Variants in RNF115 observed in about 807,000 individuals in gnomAD.
RNF115 encodes ring finger protein 115.
Under a neutral mutation model 39.2 loss-of-function variants are expected in RNF115, and 31 were observed. The observed-to-expected ratio is 0.79, with a 90% CI of 0.59 to 1.07. The LOEUF (loss-of-function observed/expected upper bound fraction) is 1.07, where lower values mean the gene tolerates loss of function less well. Among genes scored for constraint, RNF115 ranks in the 50% least tolerant of loss-of-function variants. RNF115 has a pLI of 0.00. For synonymous variants in RNF115, 124 were observed against 131.0 expected (o/e 0.95, Z 0.37); for missense variants, 384 against 381.7 (o/e 1.01, Z -0.05).
intron 1 of RNF115, among the ~76,000 whole-genome samples, chr1:145,795,998 T>C (rs1017814278): frequency 3.9e-5 from 6 of 152,212 alleles, no homozygotes; most frequent in Non-Finnish European, 7.3e-5. Flanking sequence ...CATTTGTATC[T>C]TAAGTCTGAT....
In RNF115 at chr1:145,741,461, A is replaced by T. The variant is rs1553710969; in HGVS notation, c.*5405T>A. The T allele has an allele frequency of 2.0e-5, 3 of 152,150 alleles. No homozygotes were observed. Among genetic ancestry groups the T allele is most frequent in the African/African-American group, 7.2e-5 (3 of 41,416 alleles). 9.4% of individuals were successfully genotyped at this position (152,150 alleles called of 1,614,324 possible). A position where few individuals can be genotyped will look rare whatever the true frequency, so the allele number is the denominator to read the frequency against. ...AAGCATCACCAGCTGTATACATTGT[A>T]TTCTATGCATTCTATTTTAAACCCC... On this transcript the variant is annotated 3_prime_UTR_variant, in exon 9 of 9. Coordinates refer to ENST00000582693, the MANE Select transcript of RNF115 (RefSeq NM_014455.4).
intron 1 of RNF115, among the ~76,000 whole-genome samples, chr1:145,809,488 ATTTTTTTTT>A (rs781918386): frequency 2.2e-5 from 1 of 46,344 alleles, no homozygotes; most frequent in East Asian, 8.6e-4. Context: ...GACCCAGCTA[ATTTTTTTTT>A]TTTTTTTTTT....
chr1:145,791,295 TGA>T (rs1553718928), intron 1 of RNF115, among the ~76,000 whole-genome samples: 1 of 151,092 alleles, frequency 6.6e-6, no homozygotes, highest in Non-Finnish European at 1.5e-5. Flanking sequence ...GCAGATCACC[TGA>T]GGTCGGGAAT....
intron 1 of RNF115, among the ~76,000 whole-genome samples, chr1:145,820,846 T>C (rs1451500860): frequency 1.3e-5 from 2 of 149,822 alleles, no homozygotes; most frequent in African/African-American, 4.9e-5. Context: ...AATAGCTTGA[T>C]TTAACCATTC....
chr1:145,824,087 A>G lies in RNF115; in HGVS notation c.-214T>C. On this transcript the variant is annotated 5_prime_UTR_variant, in exon 1 of 9. Transcript: ENST00000582693. ...CTCCCAGCACCAAAGAGGCGCAGGA[A>G]GGAGAGACAAACGGCCCGCCCGCCG... 1 of 446,052 alleles carries G rather than the reference A, an allele frequency of 2.2e-6. No homozygotes were observed. The highest frequency in any genetic ancestry group is 3.9e-6 in the Non-Finnish European group (1 of 254,092). The allele number at this position is 446,052 out of a possible 1,614,324, so 27.6% of individuals were successfully genotyped here.
At chr1:145,764,880 G>C (rs587707495) in intron 4 of RNF115, among the ~76,000 whole-genome samples, 18 of 152,342 alleles carry the variant, frequency 1.2e-4, no homozygotes, top group African/African-American at 4.3e-4. Context: ...TCTGGGAAGT[G>C]ATGAGCCCCT....
chr1:145,774,343 CTTTT>C (rs1262788128), intron 3 of RNF115, among the ~76,000 whole-genome samples: 1 of 143,998 alleles, frequency 6.9e-6, no homozygotes, highest in African/African-American at 2.6e-5. Context: ...ACATTTCTTT[CTTTT>C]TTTTTCTTTT....
At chr1:145,748,910 G>A (rs1458036807) in intron 7 of RNF115, among the ~76,000 whole-genome samples, 3 of 151,274 alleles carry the variant, frequency 2.0e-5, no homozygotes, top group Admixed American at 6.6e-5. Flanking sequence ...ATTAATAAAA[G>A]CTATACCAGA....
At chr1:145,812,661 C>CAA (rs113927082) in intron 1 of RNF115, among the ~76,000 whole-genome samples, 70 of 146,328 alleles carry the variant, frequency 4.8e-4, no homozygotes, top group South Asian at 1.3e-3. Context: ...CTTCAGGTCT[C>CAA]AAAAAAAAAC....
chr1:145,763,782 T>TTC (rs1458621949), intron 4 of RNF115, among the ~76,000 whole-genome samples: 2 of 152,162 alleles, frequency 1.3e-5, no homozygotes, highest in Non-Finnish European at 2.9e-5. Flanking sequence ...GGTGGTAATC[T>TTC]CTATTACTTG....
At chr1:145,749,116 A>G (rs1204702682) in intron 7 of RNF115, among the ~76,000 whole-genome samples, 3 of 152,170 alleles carry the variant, frequency 2.0e-5, no homozygotes, top group Non-Finnish European at 2.9e-5. Flanking sequence ...TAATACTGTC[A>G]GCTAGTCTAT....
rs186385791 is a variant in RNF115 at position 145,779,467 on chromosome 1, C to T, written c.219+5072G>A. Among the ~76,000 whole-genome samples, 14 of 152,156 alleles carry T rather than the reference C, an allele frequency of 9.2e-5. No homozygotes were observed. The East Asian group carries it at 1.2e-3, about 13-fold the overall frequency. ...CTAGGATTACAGGCATGAGCCACCA[C>T]GTCCAGCTATAATTCTAATAACTAT... On this transcript the variant is annotated intron_variant, in intron 3 of 8. Transcript: ENST00000582693.
At chr1:145,809,508 T>TTC (rs1174058759) in intron 1 of RNF115, among the ~76,000 whole-genome samples, 2 of 117,890 alleles carry the variant, frequency 1.7e-5, no homozygotes, top group African/African-American at 7.1e-5. Flanking sequence ...TTTTTTTTTT[T>TTC]TGGAGACAAG....
At chr1:145,759,085 G>A (rs1658406323) in intron 4 of RNF115, among the ~76,000 whole-genome samples, 2 of 152,088 alleles carry the variant, frequency 1.3e-5, no homozygotes, top group South Asian at 2.1e-4. Context: ...GCCTCTCTAG[G>A]TTTTCCTTGT....
At chr1:145,755,396 A>G (rs782091567) in intron 4 of RNF115, among the ~76,000 whole-genome samples, 5 of 152,090 alleles carry the variant, frequency 3.3e-5, no homozygotes, top group Admixed American at 1.3e-4. Context: ...ACCTGCCAGA[A>G]TATGTGTAAA....
intron 4 of RNF115, among the ~76,000 whole-genome samples, chr1:145,769,675 C>T (rs587637969): frequency 2.7e-4 from 41 of 150,478 alleles, no homozygotes; most frequent in African/African-American, 8.6e-4. Flanking sequence ...CAAGTTTTCC[C>T]AGTTCCTTTT....
At chr1:145,768,457 A>C (rs1647482653) in intron 4 of RNF115, among the ~76,000 whole-genome samples, 1 of 152,238 alleles carries the variant, frequency 6.6e-6, no homozygotes, top group Non-Finnish European at 1.5e-5. Flanking sequence ...CTGCGATAAC[A>C]GGCAACCGCC....
intron 4 of RNF115, among the ~76,000 whole-genome samples, chr1:145,764,481 C>T (rs1164536795): frequency 3.3e-5 from 5 of 151,850 alleles, no homozygotes; most frequent in Admixed American, 6.6e-5. Flanking sequence ...CGCCTCTGCC[C>T]GGCCGCGACC....
rs950351376 is a variant in RNF115 at position 145,740,707 on chromosome 1, T to C, written c.*6159A>G. 5.3e-5 allele frequency: 8 copies of C among 152,360 alleles called. No individual in the cohort carries two copies. The highest frequency in any genetic ancestry group is 3.4e-3 in the Middle Eastern group (1 of 294). 9.4% of individuals were successfully genotyped at this position (152,360 alleles called of 1,614,324 possible). Reference sequence around the variant, plus strand: ...TTTCAAATATTTGTATATATTTCAATTGGATGTAGATTCTGGTGTGACTAA... The same window carrying C: ...TTTCAAATATTTGTATATATTTCAACTGGATGTAGATTCTGGTGTGACTAA... On this transcript the variant is annotated 3_prime_UTR_variant, in exon 9 of 9. Transcript: ENST00000582693.
Sources: gnomAD v4.1 joint callset for allele counts (sites outside exome capture counted in the v4.1 genomes callset) on GRCh38, gnomAD v4.1.1 for gene constraint, MANE v1.5 for transcripts, NCBI Gene and HGNC (gene_info 2026-07-23, HGNC 2026-07-21) for gene names.